The following UTRN variants were observed in gnomAD, a reference collection of about 807,000 sequenced individuals.
UTRN encodes utrophin.
Under a neutral mutation model 463.9 loss-of-function variants are expected in UTRN, and 283 were observed. The ratio of observed to expected loss-of-function variants is 0.61; its 90% CI spans 0.55 to 0.67. The LOEUF is 0.67. Among genes scored for constraint, UTRN ranks in the 30% least tolerant of loss-of-function variants. The pLI is 0.00. For synonymous variants in UTRN, 1,442 were observed against 1,431.5 expected, an observed-to-expected ratio of 1.01 and a Z score of -0.17; for missense variants, 3,922 against 4,084.3, an observed-to-expected ratio of 0.96 and a Z score of 1.08.
At chr6:144,776,548 G>A (rs772099259) in intron 60 of UTRN, among the ~76,000 whole-genome samples, 3 of 152,112 alleles carry the variant, frequency 2.0e-5, no homozygotes, top group South Asian at 2.1e-4. Context: ...CTCATATTTC[G>A]AGAACGTTGC....
intron 63 of UTRN, among the ~76,000 whole-genome samples, chr6:144,797,079 A>T (rs1444845120): frequency 1.3e-5 from 2 of 152,140 alleles, no homozygotes; most frequent in African/African-American, 4.8e-5. Context: ...ATATAATGGG[A>T]CTAGAGCAGG....
At chr6:144,770,499 A>T (rs1793890864) in intron 58 of UTRN, among the ~76,000 whole-genome samples, 1 of 152,212 alleles carries the variant, frequency 6.6e-6, no homozygotes, top group African/African-American at 2.4e-5. Flanking sequence ...ACTAGGTGTC[A>T]TTTAAGAAGT....
At chr6:144,454,094 G>A (rs1788586812) in intron 19 of UTRN, among the ~76,000 whole-genome samples, 1 of 152,080 alleles carries the variant, frequency 6.6e-6, no homozygotes, top group African/African-American at 2.4e-5. Context: ...TTTTATATGG[G>A]GTCGGGGCTG....
At chr6:144,409,261 G>T (rs547391552) in intron 3 of UTRN, among the ~76,000 whole-genome samples, 2 of 152,038 alleles carry the variant, frequency 1.3e-5, no homozygotes, top group East Asian at 3.9e-4. Flanking sequence ...ACTTCACCTT[G>T]GTTAAAACTA....
chr6:144,471,618 A>G (rs372101277), intron 23 of UTRN, among the ~76,000 whole-genome samples: 2 of 152,208 alleles, frequency 1.3e-5, no homozygotes, highest in Non-Finnish European at 2.9e-5. Context: ...TCTTCCCAAG[A>G]AGCCTTCTAT....
At chr6:144,458,637 T>G in intron 19 of UTRN, 133 bp from the exon 20 acceptor site, 1 of 1,071,588 alleles carries the variant, frequency 9.3e-7, no homozygotes, top group Non-Finnish European at 1.3e-6. Context: ...TGTTGTTGTA[T>G]TAAAAGGGAC....
At chr6:144,558,668 A>G (rs1799596529) in intron 50 of UTRN, among the ~76,000 whole-genome samples, 2 of 152,064 alleles carry the variant, frequency 1.3e-5, no homozygotes, top group Non-Finnish European at 2.9e-5. Flanking sequence ...CTACAATCAG[A>G]CAAAGCAGGT....
intron 23 of UTRN, among the ~76,000 whole-genome samples, chr6:144,472,932 C>T (rs1440438169): frequency 1.3e-5 from 2 of 151,974 alleles, no homozygotes; most frequent in African/African-American, 4.8e-5. Flanking sequence ...ACGCCCCCAG[C>T]TAATTTTTGT....
chr6:144,787,763 C>CAAGTT (rs958672946), intron 61 of UTRN, among the ~76,000 whole-genome samples: 2 of 152,018 alleles, frequency 1.3e-5, no homozygotes, highest in African/African-American at 4.8e-5. Context: ...TAAAATAGCA[C>CAAGTT]AAATTGTTAA....
In UTRN at chr6:144,781,990, C is replaced by G. The variant is rs369466914; in HGVS notation, c.8701C>G (p.Leu2901Val). ...GCACAAGTTGAACCAAAATGACCAGCTCCTCAGTGTTCCAGATGTCATCAA... is the reference window on the plus strand; with the variant it reads ...GCACAAGTTGAACCAAAATGACCAGGTCCTCAGTGTTCCAGATGTCATCAA... Reference protein sequence around the residue: ...KQHKLNQNDQLLSVPDVINCL... With the variant: ...KQHKLNQNDQVLSVPDVINCL... Residue 2901 changes from leucine to valine, a missense_variant, in exon 61 of 75, where the codon CTC becomes GTC. By Grantham distance (32) the Leu-to-Val change is conservative (BLOSUM62 1). Coordinates refer to ENST00000367545, the MANE Select transcript of UTRN (RefSeq NM_007124.3). The G allele has an allele frequency of 7.4e-6, 12 of 1,613,902 alleles. No homozygotes were observed. Among genetic ancestry groups the G allele is most frequent in the Non-Finnish European group, 1.0e-5 (12 of 1,179,972 alleles).
At chr6:144,443,463 C>T (rs116737005) in intron 13 of UTRN, among the ~76,000 whole-genome samples, 2,246 of 152,212 alleles carry the variant, frequency 0.015, 43 homozygotes, top group African/African-American at 0.05. Context: ...GTTTTCTCCC[C>T]CTTTGTACTA....
intron 51 of UTRN, among the ~76,000 whole-genome samples, chr6:144,611,996 A>T (rs1439922024): frequency 6.6e-6 from 1 of 152,188 alleles, no homozygotes; most frequent in Non-Finnish European, 1.5e-5. Context: ...AGAACAGCAT[A>T]GTACTGTCAT....
At chr6:144,540,741 G>A (rs1797913378) in intron 45 of UTRN, among the ~76,000 whole-genome samples, 1 of 152,090 alleles carries the variant, frequency 6.6e-6, no homozygotes, top group South Asian at 2.1e-4. Context: ...ATCACAAAAA[G>A]AAACAAAGAA....
At chr6:144,759,040 T>G (rs1792336734) in intron 58 of UTRN, among the ~76,000 whole-genome samples, 1 of 152,134 alleles carries the variant, frequency 6.6e-6, no homozygotes, top group Admixed American at 6.6e-5. Flanking sequence ...AAATAGTCTT[T>G]TCTTATAATT....
rs1034168597 is a variant in UTRN at position 144,410,810 on chromosome 6, GTGTGTGTGTGTA to G, written c.141+7628_141+7639del. ...ATGGTGTGTATATGTGTGTGTGTGT[GTGTGTGTGTGTA>G]TATACACACCACAATTTCTTTATTC... On this transcript the variant is annotated intron_variant, in intron 3 of 74. Coordinates refer to ENST00000367545, the MANE Select transcript of UTRN (RefSeq NM_007124.3). Among the ~76,000 whole-genome samples, 77 of 131,792 alleles carry G rather than the reference GTGTGTGTGTGTA, an allele frequency of 5.8e-4. 1 individual carries two copies. In the South Asian group the frequency reaches 0.016, roughly 28 times the overall value. 86.5% of individuals were successfully genotyped at this position (131,792 alleles called of 152,430 possible).
chr6:144,782,698 T>C (rs1775950979), intron 61 of UTRN, among the ~76,000 whole-genome samples: 1 of 151,976 alleles, frequency 6.6e-6, no homozygotes, highest in Non-Finnish European at 1.5e-5. Context: ...ATATCTGTCA[T>C]TTAATTAGGT....
At chr6:144,469,613 T>C (rs995935142) in intron 23 of UTRN, among the ~76,000 whole-genome samples, 2 of 152,142 alleles carry the variant, frequency 1.3e-5, no homozygotes, top group Non-Finnish European at 2.9e-5. Context: ...GTGAAAATAT[T>C]ATAGTGTGGC....
At position 144,803,090 on chromosome 6, in the gene UTRN, G is replaced by C. The variant is rs1228763049; in HGVS notation, c.9300G>C (p.Ser3100=). 1 of 1,595,490 alleles carries C rather than the reference G, an allele frequency of 6.3e-7. No individual in the cohort carries two copies. Among genetic ancestry groups the C allele is most frequent in the Admixed American group, 1.8e-5 (1 of 57,002 alleles). ...NYDVCQSCFF[S]GRTAKGHKLH... is the part of the protein sequence containing the mutation. ...ATGTCTGCCAGAGTTGTTTCTTTTC[G>C]GGTCGAACAGCAAAAGGTCACAAAT... Residue 3100 remains serine, a synonymous_variant, in exon 65 of 75, where the codon TCG becomes TCC. Coordinates refer to ENST00000367545, the MANE Select transcript of UTRN (RefSeq NM_007124.3).
intron 23 of UTRN, among the ~76,000 whole-genome samples, chr6:144,473,063 G>A (rs544345702): frequency 6.6e-6 from 1 of 152,048 alleles, no homozygotes; most frequent in African/African-American, 2.4e-5. Context: ...ACCGTACCTG[G>A]CCCTTATTTG....
Sources: allele counts gnomAD v4.1 joint callset (sites outside exome capture counted in the v4.1 genomes callset), GRCh38; gene constraint gnomAD v4.1.1; transcripts MANE v1.5; gene names NCBI Gene and HGNC (gene_info 2026-07-23, HGNC 2026-07-21).